PCNX4: variants seen among roughly 807,000 people sequenced by gnomAD.
PCNX4 encodes pecanex-like protein 4.
A neutral mutation model predicts 107.2 loss-of-function variants in PCNX4; 103 were observed. The observed-to-expected ratio is 0.96, with a 90% CI of 0.82 to 1.13. PCNX4 has a LOEUF of 1.13. Among genes scored for constraint, PCNX4 ranks in the 50% most tolerant of loss-of-function variants. PCNX4 has a pLI of 0.00. For missense variants in PCNX4, 1,528 were observed against 1,379.4 expected (o/e 1.11, Z -1.71); for synonymous variants, 541 against 481.7 (o/e 1.12, Z -1.61).
chr14:60,101,891 T>C (rs908626300), intron 1 of PCNX4, among the ~76,000 whole-genome samples: 2 of 152,174 alleles, frequency 1.3e-5, no homozygotes, highest in Non-Finnish European at 2.9e-5. Context: ...CGGACTATTA[T>C]TCAGCCTTAA....
In PCNX4 at chr14:60,138,671, T is replaced by G. The variant is rs1566525097; in HGVS notation, c.*4450T>G. The G allele has an allele frequency of 6.6e-6, 1 of 152,072 alleles. No individual in the cohort carries two copies. The highest frequency in any genetic ancestry group is 2.1e-4 in the South Asian group (1 of 4,822). The allele number at this position is 152,072 out of a possible 1,614,324, so 9.4% of individuals were successfully genotyped here. A position where few individuals can be genotyped will look rare whatever the true frequency, so the allele number is the denominator to read the frequency against. ...CTTAAGAATGAAGGCAAAGACACTT[T>G]CAAACGCAACAAATTTAATAGCAGA... On this transcript the variant is annotated 3_prime_UTR_variant, in exon 11 of 11. Coordinates refer to ENST00000406854, the MANE Select transcript of PCNX4 (RefSeq NM_001330177.2).
intron 1 of PCNX4, 101 bp from the exon 2 acceptor site, chr14:60,107,485 C>G (rs1220156487): frequency 1.5e-6 from 1 of 673,146 alleles, no homozygotes; most frequent in Non-Finnish European, 2.5e-6. Context: ...AAATCCTACC[C>G]TTGAAGGAAG....
In PCNX4 at chr14:60,137,085, T is replaced by C. The variant is rs1896249131; in HGVS notation, c.*2864T>C. 6.6e-6 allele frequency: 1 copy of C among 152,216 alleles called. No homozygotes were observed. Among genetic ancestry groups the C allele is most frequent in the Non-Finnish European group, 1.5e-5 (1 of 68,024 alleles). The allele number at this position is 152,216 out of a possible 1,614,324, so 9.4% of individuals were successfully genotyped here. On this transcript the variant is annotated 3_prime_UTR_variant, in exon 11 of 11. Coordinates refer to ENST00000406854, the MANE Select transcript of PCNX4 (RefSeq NM_001330177.2). Reference sequence around the variant, plus strand: ...AGCAATGCCAGGCAAAATAGTATTTTAAAATCTGCTTAAAGGCATTAGAGA... The same window carrying C: ...AGCAATGCCAGGCAAAATAGTATTTCAAAATCTGCTTAAAGGCATTAGAGA...
intron 2 of PCNX4, 96 bp from the exon 3 acceptor site, chr14:60,114,604 A>G: frequency 1.0e-6 from 1 of 993,822 alleles, no homozygotes; most frequent in Non-Finnish European, 1.5e-6. Context: ...TTTTTTTGGA[A>G]GGGAGTGTGT....
chr14:60,108,512 T>C (rs1261877059), intron 2 of PCNX4, 185 bp downstream of exon 2: 1 of 456,044 alleles, frequency 2.2e-6, no homozygotes, highest in Non-Finnish European at 3.8e-6. Context: ...AAAGCAATAG[T>C]TAAAACTTAT....
At chr14:60,105,267 T>G (rs1399428473) in intron 1 of PCNX4, among the ~76,000 whole-genome samples, 1 of 152,198 alleles carries the variant, frequency 6.6e-6, no homozygotes, top group Non-Finnish European at 1.5e-5. Context: ...AGAAATGTCT[T>G]AAAAGTTATT....
At chr14:60,096,788 A>G (rs1895433993) in intron 1 of PCNX4, among the ~76,000 whole-genome samples, 2 of 152,222 alleles carry the variant, frequency 1.3e-5, no homozygotes, top group African/African-American at 4.8e-5. Flanking sequence ...AACACAAAGC[A>G]TTTTGGCTGA....
At chr14:60,108,396 T>C in intron 2 of PCNX4, 69 bp downstream of exon 2, 2 of 1,192,316 alleles carry the variant, frequency 1.7e-6, no homozygotes, top group East Asian at 4.7e-5. Context: ...AGCTTTCCTT[T>C]TAGTGTTACA....
rs1355078244 is a variant in PCNX4, at chr14:60,140,167, C to A, written c.*5946C>A. The A allele has an allele frequency of 6.6e-6, 1 of 152,032 alleles. No homozygotes were observed. Among genetic ancestry groups the A allele is most frequent in the African/African-American group, 2.4e-5 (1 of 41,412 alleles). The allele number at this position is 152,032 out of a possible 1,614,324, so 9.4% of individuals were successfully genotyped here. A position where few individuals can be genotyped will look rare whatever the true frequency, so the allele number is the denominator to read the frequency against. The stretch of plus-strand genomic sequence containing the variant: ...AGGAAGAAACACAAACAACCAATAT[C>A]AGGAATGAAAGGATATTACAAATCC... On this transcript the variant is annotated 3_prime_UTR_variant, in exon 11 of 11. Coordinates refer to ENST00000406854, the MANE Select transcript of PCNX4 (RefSeq NM_001330177.2). The surrounding 1 kb of genome is among the most constrained non-coding windows in gnomAD (Gnocchi z 4.2).
intron 2 of PCNX4, 99 bp downstream of exon 2, chr14:60,108,426 T>A: frequency 1.1e-6 from 1 of 892,340 alleles, no homozygotes; most frequent in Non-Finnish European, 1.7e-6. Context: ...ATCCATGGAT[T>A]AAAAATCATC....
In PCNX4 at chr14:60,118,457, C is replaced by A. The variant is rs1895893777; in HGVS notation, c.1707C>A (p.Asn569Lys). 6.2e-7 allele frequency: 1 copy of A among 1,613,628 alleles called. No individual in the cohort carries two copies. Among genetic ancestry groups the A allele is most frequent in the African/African-American group, 1.3e-5 (1 of 74,926 alleles). ...RKTTATLCIL[N>K]IVFSPFVLVI... ...CAACTGCCACTTTATGTATACTCAA[C>A]ATTGTCTTTTCTCCATTCGTGTTGG... is the stretch of plus-strand genomic sequence containing the variant. Residue 569 changes from asparagine (N) to lysine (K), a missense_variant, in exon 7 of 11, where the codon AAC becomes AAA. By Grantham distance (94) the Asn-to-Lys change is moderately conservative. Transcript: ENST00000406854.
intron 1 of PCNX4, among the ~76,000 whole-genome samples, chr14:60,100,454 A>G (rs926436157): frequency 2.0e-5 from 3 of 152,052 alleles, no homozygotes. Context: ...ACCCACCACC[A>G]TGCTTGGCTA....
rs200008756 is a variant in PCNX4 at position 60,118,525 on chromosome 14, C to G, written c.1775C>G (p.Pro592Arg). 2 of 1,613,844 alleles carry G rather than the reference C, an allele frequency of 1.2e-6. No homozygotes were observed. Among genetic ancestry groups the G allele is most frequent in the Non-Finnish European group, 1.7e-6 (2 of 1,179,858 alleles). ...FSTLLSSPLL[P>R]LFTLPVFLVG... Reference sequence around the variant, plus strand: ...ACACTACTCTCTTCTCCCTTACTCCCTCTTTTCACCCTTCCTGTGTTCTTG... The same window carrying G: ...ACACTACTCTCTTCTCCCTTACTCCGTCTTTTCACCCTTCCTGTGTTCTTG... The change falls in exon 7 of 11, where the codon CCT becomes CGT. Residue 592 changes from proline (P) to arginine (R), a missense_variant. Physicochemically the swap from Pro to Arg is moderately radical, Grantham distance 103. Transcript: ENST00000406854.
chr14:60,114,331 C>A lies in PCNX4; in HGVS notation c.690-369C>A, dbSNP rs538734699. 6.6e-5 allele frequency among the ~76,000 whole-genome samples: 10 copies of A among 152,290 alleles called. No individual in the cohort carries two copies. In the South Asian group the frequency reaches 2.1e-3, roughly 32 times the overall value. On this transcript the variant is annotated intron_variant, in intron 2 of 10. Coordinates refer to ENST00000406854, the MANE Select transcript of PCNX4 (RefSeq NM_001330177.2). ...ATTTCAGCCAATGTAGTAGTTTAGA[C>A]ATTTAGGGGAGAAATGTTTTTGCTC...
intron 2 of PCNX4, chr14:60,109,113 G>T (rs79428124): frequency 0.022 from 3,592 of 167,042 alleles, 71 homozygotes; most frequent in South Asian, 0.049. Context: ...ATGAGAAGAG[G>T]TACCAGAGAG....
Position 60,134,200 on chromosome 14 carries a change from T to G in PCNX4, c.3498T>G (p.Pro1166=), listed in dbSNP as rs756764199. ...GATATCCGATTTATTCTTCAAAACC[T>G]CTCCACATACATTTGTATTAGAGCT... The part of the protein sequence containing the change: ...PLGYPIYSSK[P]LHIHLY The change falls in exon 11 of 11, where the codon CCT becomes CCG. Residue 1166 remains proline (P), a synonymous_variant. Coordinates refer to ENST00000406854, the MANE Select transcript of PCNX4 (RefSeq NM_001330177.2). 3 of 1,613,620 alleles carry G rather than the reference T, an allele frequency of 1.9e-6. No homozygotes were observed. The South Asian group carries it at 3.3e-5, about 18-fold the overall frequency.
At chr14:60,099,666 T>A (rs1895491998) in intron 1 of PCNX4, among the ~76,000 whole-genome samples, 1 of 152,232 alleles carries the variant, frequency 6.6e-6, no homozygotes, top group Non-Finnish European at 1.5e-5. Context: ...TTTAGCTGTT[T>A]CTTCATAGAA....
Position 60,092,633 on chromosome 14 carries a change from CTACTT to C in PCNX4, c.-54+217_-54+221del, listed in dbSNP as rs1895326493. Among the ~76,000 whole-genome samples, 3 of 152,308 alleles carry C rather than the reference CTACTT, an allele frequency of 2.0e-5. No individual in the cohort carries two copies. In the South Asian group the frequency reaches 6.2e-4, roughly 32 times the overall value. ...GTGATTTTAACTTTCCTTTGAAAGA[CTACTT>C]TAGCCTGTTGAATTGTAGCATTTTG... On this transcript the variant is annotated intron_variant, in intron 1 of 10. Coordinates refer to ENST00000406854, the MANE Select transcript of PCNX4 (RefSeq NM_001330177.2).
rs568884500 is a variant in PCNX4, at chr14:60,133,978, C to G, written c.3276C>G (p.Tyr1092Ter). ...SLGYDSNMGI[Y>*]TGRVLSLQEL... Reference sequence around the variant, plus strand: ...CCCTTTTTACTTTAAAGGGAATTTACACTGGGAGAGTGCTTAGCCTTCAAG... The same window carrying G: ...CCCTTTTTACTTTAAAGGGAATTTAGACTGGGAGAGTGCTTAGCCTTCAAG... The change falls in exon 11 of 11, where the codon TAC becomes TAG. Residue 1092 changes from tyrosine to a stop codon, truncating the protein, a stop_gained. Coordinates refer to ENST00000406854, the MANE Select transcript of PCNX4 (RefSeq NM_001330177.2). LOFTEE classifies it high-confidence loss of function. 1 of 1,611,932 alleles carries G rather than the reference C, an allele frequency of 6.2e-7. No homozygotes were observed. Among genetic ancestry groups the G allele is most frequent in the Admixed American group, 1.7e-5 (1 of 59,748 alleles).
Sources: gnomAD v4.1 joint callset for allele counts (sites outside exome capture counted in the v4.1 genomes callset) on GRCh38, gnomAD v4.1.1 for gene constraint, Gnocchi (gnomAD v3.1) non-coding constraint, MANE v1.5 for transcripts, NCBI Gene and HGNC (gene_info 2026-07-23, HGNC 2026-07-21) for gene names.